The following SLC39A9 variants were observed in gnomAD, a reference collection of about 807,000 sequenced individuals.
The protein encoded by SLC39A9 is zinc transporter ZIP9.
Under a neutral mutation model 28.4 loss-of-function variants are expected in SLC39A9, and 14 were observed. The ratio of observed to expected loss-of-function variants is 0.49; its 90% CI spans 0.33 to 0.77. SLC39A9 has a LOEUF of 0.77. SLC39A9 is among the 30% of genes least tolerant of loss of function. The probability of loss-of-function intolerance (pLI) is 0.02; values close to 1 mark genes in which losing one functional copy is unlikely to be tolerated. For missense variants in SLC39A9, 283 were observed against 381.1 expected, an observed-to-expected ratio of 0.74 and a Z score of 2.14; for synonymous variants, 119 against 149.6, an observed-to-expected ratio of 0.80 and a Z score of 1.49.
intron 1 of SLC39A9, among the ~76,000 whole-genome samples, chr14:69,414,980 G>C (rs1883491398): frequency 6.6e-6 from 1 of 152,194 alleles, no homozygotes; most frequent in Non-Finnish European, 1.5e-5. Flanking sequence ...TGTGCTGTAT[G>C]TAGCCGCAGT....
intron 1 of SLC39A9, among the ~76,000 whole-genome samples, chr14:69,406,511 C>T (rs1001482209): frequency 5.3e-5 from 8 of 151,736 alleles, no homozygotes; most frequent in Non-Finnish European, 1.2e-4. Flanking sequence ...TGATAAGATC[C>T]CCTTCAGCTC....
At chr14:69,448,660 G>A (rs1407131085) in intron 3 of SLC39A9, among the ~76,000 whole-genome samples, 1 of 152,226 alleles carries the variant, frequency 6.6e-6, no homozygotes, top group Non-Finnish European at 1.5e-5. Context: ...AGTGAAATGT[G>A]TGATTCTAGA....
chr14:69,460,814 G>A lies in SLC39A9; in HGVS notation c.*2221G>A, dbSNP rs1886081982. On this transcript the variant is annotated 3_prime_UTR_variant, in exon 7 of 7. Transcript: ENST00000336643. The stretch of plus-strand genomic sequence containing the variant: ...CAGAAGCTATGTATGGGCTTTCCCA[G>A]ATTTTAAAGCTGCTGCCTCGAGAAC... 11 of 985,442 alleles carry A rather than the reference G, an allele frequency of 1.1e-5. No homozygotes were observed. The highest frequency in any genetic ancestry group is 1.2e-5 in the Non-Finnish European group (10 of 829,950). The allele number at this position is 985,442 out of a possible 1,614,324, so 61.0% of individuals were successfully genotyped here. A position where few individuals can be genotyped will look rare whatever the true frequency, so the allele number is the denominator to read the frequency against.
intron 1 of SLC39A9, among the ~76,000 whole-genome samples, chr14:69,418,064 T>A (rs918048882): frequency 1.3e-5 from 2 of 152,192 alleles, no homozygotes; most frequent in African/African-American, 4.8e-5. Context: ...AAGGGAATGC[T>A]TCCAGTTTTT....
intron 2 of SLC39A9, among the ~76,000 whole-genome samples, chr14:69,426,842 T>TTG (rs1438587674): frequency 1.3e-5 from 2 of 151,882 alleles, no homozygotes; most frequent in Non-Finnish European, 1.5e-5. Context: ...CACATAACGT[T>TTG]TGTGTGTGTG....
In SLC39A9 at chr14:69,399,322, A is replaced by G; in HGVS notation, c.-48A>G. The G allele has an allele frequency of 1.9e-6, 3 of 1,546,340 alleles. No individual in the cohort carries two copies. The highest frequency in any genetic ancestry group is 2.7e-6 in the Non-Finnish European group (3 of 1,121,470). Reference sequence around the variant, plus strand: ...AAGAACCTAAGCACCATTTAAAGCCACTGGAAATTTGTTGTCTAGTGGTTG... The same window carrying G: ...AAGAACCTAAGCACCATTTAAAGCCGCTGGAAATTTGTTGTCTAGTGGTTG... On this transcript the variant is annotated 5_prime_UTR_variant, in exon 1 of 7. Coordinates refer to ENST00000336643, the MANE Select transcript of SLC39A9 (RefSeq NM_018375.5).
chr14:69,429,126 A>G (rs1462961566), intron 2 of SLC39A9: 1 of 152,206 alleles, frequency 6.6e-6, no homozygotes, highest in Non-Finnish European at 1.5e-5. Context: ...TTCAGTTAAT[A>G]ATGTAAAAAA....
intron 2 of SLC39A9, among the ~76,000 whole-genome samples, chr14:69,432,741 G>C (rs529813201): frequency 1.7e-4 from 26 of 152,156 alleles, no homozygotes; most frequent in African/African-American, 6.3e-4. Context: ...AAAAGGTAGG[G>C]GTCCAGTTTC....
intron 3 of SLC39A9, among the ~76,000 whole-genome samples, chr14:69,451,164 G>A (rs1195611948): frequency 6.6e-6 from 1 of 152,186 alleles, no homozygotes; most frequent in Non-Finnish European, 1.5e-5. Flanking sequence ...CTATTTGCTG[G>A]CGCAGAGTGA....
At chr14:69,445,820 C>G (rs1056219865) in intron 3 of SLC39A9, among the ~76,000 whole-genome samples, 10 of 152,124 alleles carry the variant, frequency 6.6e-5, no homozygotes, top group African/African-American at 2.2e-4. Flanking sequence ...TGTTAATGTT[C>G]TACATATTCA....
chr14:69,456,891 AGT>A (rs1052206787), intron 6 of SLC39A9, among the ~76,000 whole-genome samples: 6 of 152,172 alleles, frequency 3.9e-5, no homozygotes, highest in African/African-American at 1.4e-4. Context: ...AGATGCTAAG[AGT>A]GTGTTATAAA....
chr14:69,403,067 G>A (rs1808079975), intron 1 of SLC39A9, among the ~76,000 whole-genome samples: 1 of 151,888 alleles, frequency 6.6e-6, no homozygotes, highest in African/African-American at 2.4e-5. Context: ...GGGAACAAGA[G>A]CAAAACTTTG....
intron 1 of SLC39A9, among the ~76,000 whole-genome samples, chr14:69,406,643 G>T (rs1882927360): frequency 6.8e-6 from 1 of 147,626 alleles, no homozygotes; most frequent in Non-Finnish European, 1.5e-5. Context: ...AGCTGAGATT[G>T]TACCATGGCA....
intron 1 of SLC39A9, 82 bp from the exon 2 acceptor site, chr14:69,424,012 C>G (rs1884047982): frequency 1.1e-6 from 1 of 932,230 alleles, no homozygotes. Flanking sequence ...GAGCAGCTCA[C>G]AGTCTTGATT....
intron 1 of SLC39A9, among the ~76,000 whole-genome samples, chr14:69,400,591 A>T (rs1882578213): frequency 6.6e-6 from 1 of 152,208 alleles, no homozygotes; most frequent in Non-Finnish European, 1.5e-5. Flanking sequence ...CTTTCAAAGG[A>T]GGCCTGAAGT....
rs1566929371 is a variant in SLC39A9, at chr14:69,461,201, C to G, written c.*2608C>G. The G allele has an allele frequency of 2.0e-6, 2 of 987,530 alleles. No homozygotes were observed. Among genetic ancestry groups the G allele is most frequent in the South Asian group, 9.3e-5 (2 of 21,464 alleles). 61.2% of individuals were successfully genotyped at this position (987,530 alleles called of 1,614,324 possible). A position where few individuals can be genotyped will look rare whatever the true frequency, so the allele number is the denominator to read the frequency against. ...AGCATGATTCTTGCTTCCATATAAC[C>G]AAAGTTAATCTTAATTGCAATTTGA... On this transcript the variant is annotated 3_prime_UTR_variant, in exon 7 of 7. Transcript: ENST00000336643.
At chr14:69,436,387 A>G (rs1282998095) in intron 2 of SLC39A9, among the ~76,000 whole-genome samples, 1 of 152,164 alleles carries the variant, frequency 6.6e-6, no homozygotes, top group African/African-American at 2.4e-5. Context: ...TAATTGGTCA[A>G]AATTTCCTGT....
intron 3 of SLC39A9, among the ~76,000 whole-genome samples, chr14:69,444,094 T>A (rs1041066604): frequency 6.7e-6 from 1 of 149,596 alleles, no homozygotes; most frequent in Non-Finnish European, 1.5e-5. Flanking sequence ...GCTTAGGTGG[T>A]AAGATCACTT....
At chr14:69,419,825 C>CT (rs1006981254) in intron 1 of SLC39A9, among the ~76,000 whole-genome samples, 2 of 151,858 alleles carry the variant, frequency 1.3e-5, no homozygotes, top group African/African-American at 2.4e-5. Flanking sequence ...GCAACCCCTG[C>CT]TTTTTTTTGC....
Sources: allele counts gnomAD v4.1 joint callset (sites outside exome capture counted in the v4.1 genomes callset), GRCh38; gene constraint gnomAD v4.1.1; transcripts MANE v1.5; gene names NCBI Gene and HGNC (gene_info 2026-07-23, HGNC 2026-07-21).